Variants in ACP7 observed in about 807,000 individuals in gnomAD.
ACP7 encodes acid phosphatase 7, tartrate resistant (putative).
Under a neutral mutation model 60.6 loss-of-function variants are expected in ACP7, and 58 were observed. That is an observed-to-expected ratio of 0.96 (90% confidence interval 0.77 to 1.19). The LOEUF (loss-of-function observed/expected upper bound fraction) is 1.19, where lower values mean the gene tolerates loss of function less well. Among genes scored for constraint, ACP7 ranks in the 50% most tolerant of loss-of-function variants. The pLI is 0.00. For synonymous variants in ACP7, 237 were observed against 232.6 expected, an observed-to-expected ratio of 1.02 and a Z score of -0.17; for missense variants, 574 against 596.2, an observed-to-expected ratio of 0.96 and a Z score of 0.39.
chr19:39,104,940 C>T (rs1247626422), intron 11 of ACP7, among the ~76,000 whole-genome samples: 4 of 152,080 alleles, frequency 2.6e-5, no homozygotes, highest in South Asian at 4.1e-4. Context: ...AGAAAAGTTG[C>T]GCTAACAATA....
chr19:39,109,812 A>G (rs2073450592), intron 12 of ACP7, among the ~76,000 whole-genome samples: 1 of 151,946 alleles, frequency 6.6e-6, no homozygotes, highest in South Asian at 2.1e-4. Context: ...AGCCCTTTCC[A>G]TATGCTGGGC....
chr19:39,084,620 G>A (rs1411598139), intron 1 of ACP7, among the ~76,000 whole-genome samples: 1 of 151,740 alleles, frequency 6.6e-6, no homozygotes, highest in Non-Finnish European at 1.5e-5. Context: ...TGGGAGGATT[G>A]GGGTCACTAG....
chr19:39,095,509 G>A (rs971871620), intron 2 of ACP7, among the ~76,000 whole-genome samples: 12 of 152,234 alleles, frequency 7.9e-5, no homozygotes, highest in Non-Finnish European at 1.5e-4. Flanking sequence ...TGCCCCTGTG[G>A]CTTTGCAGGG....
intron 12 of ACP7, among the ~76,000 whole-genome samples, chr19:39,107,578 C>CAAAAAAAAAAAAAAAAA (rs34130688): frequency 1.2e-5 from 1 of 81,226 alleles, no homozygotes; most frequent in African/African-American, 4.7e-5. Context: ...GACTCTGTCT[C>CAAAAAAAAAAAAAAAAA]AAAAAAAAAA....
intron 2 of ACP7, among the ~76,000 whole-genome samples, chr19:39,097,961 C>T (rs1402869202): frequency 1.3e-5 from 2 of 151,910 alleles, no homozygotes; most frequent in Admixed American, 1.3e-4. Flanking sequence ...CAGGAAAGCT[C>T]AGCTTAGAAA....
intron 11 of ACP7, among the ~76,000 whole-genome samples, chr19:39,102,715 T>TTACTTACTTTCTTTCTTTCTTTC (rs1555769415): frequency 8.4e-6 from 1 of 118,616 alleles, no homozygotes; most frequent in Admixed American, 8.6e-5. Flanking sequence ...CAATGAAGAC[T>TTACTTACTTTCTTTCTTTCTTTC]TTTCTTTCTT....
chr19:39,087,250 G>A (rs767178073), intron 2 of ACP7, among the ~76,000 whole-genome samples: 1 of 152,104 alleles, frequency 6.6e-6, no homozygotes, highest in Non-Finnish European at 1.5e-5. Context: ...AAGCTCAAGC[G>A]ATCCTCCAGT....
chr19:39,098,710 G>T (rs1341497067), intron 3 of ACP7, 52 bp downstream of exon 3: 1 of 1,540,494 alleles, frequency 6.5e-7, no homozygotes, highest in South Asian at 1.2e-5. Context: ...AGAGGAGTGG[G>T]ATGCAGACTA....
chr19:39,091,865 C>G (rs371558952), intron 2 of ACP7, among the ~76,000 whole-genome samples: 16 of 151,620 alleles, frequency 1.1e-4, no homozygotes, highest in African/African-American at 3.6e-4. Flanking sequence ...GAACCAAGAT[C>G]ACACCACTGT....
In ACP7 at chr19:39,085,202, T is replaced by A; in HGVS notation, c.-68T>A. ...CCCATCCTCCCAGCCCTTCCTGCTG[T>A]ACCTGTGGGGAGCTGATCTCCTCAG... On this transcript the variant is annotated 5_prime_UTR_variant, in exon 2 of 13. Coordinates refer to ENST00000331256, the MANE Select transcript of ACP7 (RefSeq NM_001004318.3). The A allele has an allele frequency of 6.5e-7, 1 of 1,542,116 alleles. No homozygotes were observed.
rs199931219 is a variant in ACP7 at position 39,101,118 on chromosome 19, G to A, written c.916-32G>A. 204 of 1,613,922 alleles carry A rather than the reference G, an allele frequency of 1.3e-4. 1 individual carries two copies. The East Asian group carries it at 2.8e-3, about 22-fold the overall frequency. ...GAAAGCCAGGTGGGCGTCAGTCTGCGTCACCCTCACCCGCTCATTCACCCT... is the reference window on the plus strand; with the variant it reads ...GAAAGCCAGGTGGGCGTCAGTCTGCATCACCCTCACCCGCTCATTCACCCT... On this transcript the variant is annotated intron_variant, in intron 8 of 12. Coordinates refer to ENST00000331256, the MANE Select transcript of ACP7 (RefSeq NM_001004318.3).
At chr19:39,108,300 C>T (rs529881223) in intron 12 of ACP7, among the ~76,000 whole-genome samples, 6 of 151,878 alleles carry the variant, frequency 4.0e-5, no homozygotes, top group South Asian at 4.2e-4. Context: ...CCACCACACC[C>T]GGCTAATTTT....
At chr19:39,097,623 C>T (rs942347781) in intron 2 of ACP7, among the ~76,000 whole-genome samples, 1 of 151,160 alleles carries the variant, frequency 6.6e-6, no homozygotes, top group African/African-American at 2.4e-5. Context: ...TTCCTGCTTG[C>T]TTTGTGGCTA....
rs1568482637 is a variant in ACP7 at position 39,102,737 on chromosome 19, T to TTCTC, written c.1113+1203_1113+1204insCTCT. 3.7e-5 allele frequency among the ~76,000 whole-genome samples: 3 copies of TTCTC among 81,504 alleles called. No individual in the cohort carries two copies. In the Admixed American group the frequency reaches 4.1e-4, roughly 11 times the overall value. 53.5% of individuals were successfully genotyped at this position (81,504 alleles called of 152,430 possible). On this transcript the variant is annotated intron_variant, in intron 11 of 12. Transcript: ENST00000331256. Reference sequence around the variant, plus strand: ...GACTTTTCTTTCTTTCTTTCTTTCTTTCTTTCTTTCTTTCTTTCTTTCTTT... The same window carrying TTCTC: ...GACTTTTCTTTCTTTCTTTCTTTCTTTCTCTCTTTCTTTCTTTCTTTCTTTCTTT...
At chr19:39,100,551 C>A (rs991113399) in intron 5 of ACP7, 29 bp from the exon 6 acceptor site, 1 of 1,611,946 alleles carries the variant, frequency 6.2e-7, no homozygotes, top group African/African-American at 1.3e-5. Flanking sequence ...AGTCCTTCAC[C>A]TCCATCCCTT....
At chr19:39,104,398 C>T (rs888757355) in intron 11 of ACP7, among the ~76,000 whole-genome samples, 1 of 152,084 alleles carries the variant, frequency 6.6e-6, no homozygotes, top group Non-Finnish European at 1.5e-5. Flanking sequence ...TTCAAAAGTC[C>T]AGTGCTTGGG....
chr19:39,088,402 A>G lies in ACP7; in HGVS notation c.121+3012A>G, dbSNP rs183336393. Reference sequence around the variant, plus strand: ...GAACTGGCTTGGCATTTGCCAGCCTAGTGACCTTGGACAAAGCGCTTTGCC... The same window carrying G: ...GAACTGGCTTGGCATTTGCCAGCCTGGTGACCTTGGACAAAGCGCTTTGCC... On this transcript the variant is annotated intron_variant, in intron 2 of 12. Coordinates refer to ENST00000331256, the MANE Select transcript of ACP7 (RefSeq NM_001004318.3). 7.2e-5 allele frequency among the ~76,000 whole-genome samples: 11 copies of G among 152,324 alleles called. No individual in the cohort carries two copies. The East Asian group carries it at 2.1e-3, about 29-fold the overall frequency.
intron 2 of ACP7, among the ~76,000 whole-genome samples, chr19:39,097,500 G>C (rs1262075761): frequency 6.6e-6 from 1 of 151,756 alleles, no homozygotes; most frequent in South Asian, 2.1e-4. Context: ...GGAGGCCAAG[G>C]CTGCAGTGAG....
chr19:39,089,560 T>C (rs1316102223), intron 2 of ACP7, among the ~76,000 whole-genome samples: 3 of 152,146 alleles, frequency 2.0e-5, no homozygotes, highest in African/African-American at 7.2e-5. Flanking sequence ...TCATTTGAAT[T>C]TCACCCGTTT....
Sources: allele counts gnomAD v4.1 joint callset (sites outside exome capture counted in the v4.1 genomes callset), GRCh38; gene constraint gnomAD v4.1.1; transcripts MANE v1.5; gene names NCBI Gene and HGNC (gene_info 2026-07-23, HGNC 2026-07-21).